Variants in ACADSB observed in about 807,000 individuals in gnomAD.
ACADSB encodes the protein acyl-CoA dehydrogenase short/branched chain, also known as short/branched chain specific acyl-CoA dehydrogenase, mitochondrial.
A neutral mutation model predicts 54.1 loss-of-function variants in ACADSB; 40 were observed. The observed-to-expected ratio is 0.74, with a 90% CI of 0.57 to 0.96. The LOEUF (loss-of-function observed/expected upper bound fraction) is 0.96, where lower values mean the gene tolerates loss of function less well. Among genes scored for constraint, ACADSB ranks in the 40% least tolerant of loss-of-function variants. ACADSB has a pLI of 0.00. For synonymous variants in ACADSB, 182 were observed against 182.8 expected, an observed-to-expected ratio of 1.00 and a Z score of 0.03; for missense variants, 530 against 510.4, an observed-to-expected ratio of 1.04 and a Z score of -0.37.
intron 2 of ACADSB, among the ~76,000 whole-genome samples, chr10:123,036,144 A>G (rs1437079065): frequency 6.6e-6 from 1 of 152,034 alleles, no homozygotes; most frequent in Admixed American, 6.6e-5. Flanking sequence ...TTGGAATGCA[A>G]TGGCACTATC....
chr10:123,040,627 A>G lies in ACADSB; in HGVS notation c.465A>G (p.Thr155=). The change falls in exon 4 of 11, where the codon ACA becomes ACG. Residue 155 remains threonine, a synonymous_variant. Transcript: ENST00000358776. Reference sequence around the variant, plus strand: ...ACACACTGATTAGAAAACATGGAACAGAAGAACAAAAGGCCACCTATTTGC... The same window carrying G: ...ACACACTGATTAGAAAACATGGAACGGAAGAACAAAAGGCCACCTATTTGC... ...LINTLIRKHG[T]EEQKATYLPQ... 1 of 1,614,178 alleles carries G rather than the reference A, an allele frequency of 6.2e-7. No individual in the cohort carries two copies. The highest frequency in any genetic ancestry group is 1.7e-5 in the Admixed American group (1 of 60,032).
intron 4 of ACADSB, 80 bp from the exon 5 acceptor site, chr10:123,041,129 T>C (rs1818901383): frequency 1.4e-6 from 2 of 1,431,006 alleles, no homozygotes; most frequent in Non-Finnish European, 9.8e-7. Context: ...GATTTACAAA[T>C]GTCCATTTTT....
intron 2 of ACADSB, among the ~76,000 whole-genome samples, chr10:123,037,261 A>G (rs1045701509): frequency 1.3e-5 from 2 of 152,212 alleles, no homozygotes; most frequent in African/African-American, 2.4e-5. Context: ...CCAAGCAGCT[A>G]TGAAAACGAC....
Position 123,034,396 on chromosome 10 carries a change from T to C in ACADSB, c.83T>C (p.Ile28Thr). The C allele has an allele frequency of 2.5e-6, 4 of 1,613,900 alleles. No individual in the cohort carries two copies. The highest frequency in any genetic ancestry group is 3.4e-6 in the Non-Finnish European group (4 of 1,179,978). The change falls in exon 2 of 11, where the codon ATT becomes ACT. Residue 28 changes from isoleucine to threonine, a missense_variant. Ile to Thr is a moderately conservative substitution (Grantham distance 89). Coordinates refer to ENST00000358776, the MANE Select transcript of ACADSB (RefSeq NM_001609.4). ...CTGACTTGTTTGTCTTCTTGGAAGA[T>C]TCCTCCTCATGTCTCAAAATCTTCC... is the stretch of plus-strand genomic sequence containing the variant. Reference protein sequence around the residue: ...NFLTCLSSWKIPPHVSKSSQS... With the variant: ...NFLTCLSSWKTPPHVSKSSQS...
chr10:123,045,156 TATATATATATATATA>T (rs1219285407), intron 7 of ACADSB, among the ~76,000 whole-genome samples: 49 of 14,100 alleles, frequency 3.5e-3, no homozygotes, highest in African/African-American at 7.3e-3. Flanking sequence ...TATATATATA[TATATATATATATATA>T]TTTTTTTTTT....
chr10:123,027,531 T>A (rs10794584), intron 1 of ACADSB: 2 of 454,904 alleles, frequency 4.4e-6, no homozygotes, highest in African/African-American at 2.0e-5. Flanking sequence ...CTGCTGCTGC[T>A]ATGTAAGAAG....
At chr10:123,041,498 A>C (rs1850473613) in intron 5 of ACADSB, 119 bp downstream of exon 5, 1 of 1,038,542 alleles carries the variant, frequency 9.6e-7, no homozygotes, top group East Asian at 2.5e-5. Flanking sequence ...TCTTCTCAGT[A>C]CTGAAAATGT....
intron 7 of ACADSB, among the ~76,000 whole-genome samples, chr10:123,046,261 G>C (rs999694140): frequency 6.6e-6 from 1 of 152,202 alleles, no homozygotes; most frequent in African/African-American, 2.4e-5. Context: ...AAATGTGAAT[G>C]AATACTAATG....
At chr10:123,010,723 G>A (rs548313928) in intron 1 of ACADSB, among the ~76,000 whole-genome samples, 7 of 152,208 alleles carry the variant, frequency 4.6e-5, no homozygotes, top group African/African-American at 1.7e-4. Context: ...GTCAGCTCTC[G>A]GTAAATATCA....
chr10:123,009,737 T>C (rs934889290), intron 1 of ACADSB, among the ~76,000 whole-genome samples: 5 of 152,226 alleles, frequency 3.3e-5, no homozygotes, highest in African/African-American at 1.2e-4. Flanking sequence ...AACCAGCCTC[T>C]TGTTGTGCTT....
At chr10:123,029,163 A>G (rs1157386305) in intron 1 of ACADSB, among the ~76,000 whole-genome samples, 2 of 152,254 alleles carry the variant, frequency 1.3e-5, no homozygotes, top group South Asian at 2.1e-4. Context: ...CCTGGCTAAC[A>G]TGGTGAAACC....
rs1348088346 is a variant in ACADSB, at chr10:123,009,060, G to T, written c.31G>T (p.Gly11Cys). The change falls in exon 1 of 11, where the codon GGC (glycine) becomes TGC (cysteine). Residue 11 changes from glycine to cysteine, a missense_variant. Coordinates refer to ENST00000358776, the MANE Select transcript of ACADSB (RefSeq NM_001609.4). MEGLAVRLLR[G>C]SRLLRRNFLT... ...GGGCCTGGCAGTGCGGTTGCTGCGC[G>T]GCAGCAGGCTGGTGAGTGCGTTCGA... The T allele has an allele frequency of 6.5e-7, 1 of 1,547,610 alleles. No homozygotes were observed. Among genetic ancestry groups the T allele is most frequent in the South Asian group, 1.2e-5 (1 of 84,042 alleles).
rs1028424318 is a variant in ACADSB at position 123,055,952 on chromosome 10, C to T, written c.*2187C>T. ...CTCCAGTTCCCAAAAAGTTTTTCAT[C>T]TCCATCTGAGACCACCTCAGCCTGA... On this transcript the variant is annotated 3_prime_UTR_variant, in exon 11 of 11. Coordinates refer to ENST00000358776, the MANE Select transcript of ACADSB (RefSeq NM_001609.4). 2 of 152,278 alleles carry T rather than the reference C, an allele frequency of 1.3e-5. No individual in the cohort carries two copies. The highest frequency in any genetic ancestry group is 2.9e-5 in the Non-Finnish European group (2 of 68,082). The allele number at this position is 152,278 out of a possible 1,614,324, so 9.4% of individuals were successfully genotyped here.
chr10:123,045,201 T>G, intron 7 of ACADSB, among the ~76,000 whole-genome samples: 1 of 112,516 alleles, frequency 8.9e-6, no homozygotes, highest in Non-Finnish European at 1.8e-5. Flanking sequence ...TTTTTTGAGA[T>G]GGAGTCTTGC....
intron 1 of ACADSB, among the ~76,000 whole-genome samples, chr10:123,025,978 T>C (rs1850245500): frequency 6.6e-6 from 1 of 151,938 alleles, no homozygotes; most frequent in South Asian, 2.1e-4. Flanking sequence ...GGAGAATTGC[T>C]TGAACCCAAG....
intron 10 of ACADSB, 67 bp from the exon 11 acceptor site, chr10:123,053,628 T>G (rs1350015383): frequency 1.5e-6 from 2 of 1,346,796 alleles, no homozygotes; most frequent in Non-Finnish European, 2.1e-6. Flanking sequence ...GTGATGTTTA[T>G]AGAGCTATTT....
At chr10:123,037,536 A>G (rs1266382601) in intron 2 of ACADSB, among the ~76,000 whole-genome samples, 1 of 152,170 alleles carries the variant, frequency 6.6e-6, no homozygotes, top group African/African-American at 2.4e-5. Context: ...TACACATATC[A>G]TTTATTTTGT....
At chr10:123,049,588 T>C (rs1850601279) in intron 8 of ACADSB, among the ~76,000 whole-genome samples, 1 of 152,194 alleles carries the variant, frequency 6.6e-6, no homozygotes. Flanking sequence ...GATACTTGTA[T>C]AGAAACAGAC....
chr10:123,042,946 T>C (rs772877896), intron 5 of ACADSB, 100 bp from the exon 6 acceptor site: 78 of 1,400,872 alleles, frequency 5.6e-5, no homozygotes, highest in South Asian at 1.8e-4. Context: ...TTAGTATTTA[T>C]TACCAAAGTC....
Sources: gnomAD v4.1 joint callset for allele counts (sites outside exome capture counted in the v4.1 genomes callset) on GRCh38, gnomAD v4.1.1 for gene constraint, MANE v1.5 for transcripts, NCBI Gene and HGNC (gene_info 2026-07-23, HGNC 2026-07-21) for gene names.